The following GRID2 variants were observed in gnomAD, a reference collection of about 807,000 sequenced individuals.
GRID2 encodes the protein glutamate receptor ionotropic, delta-2.
GRID2 carries 33 observed loss-of-function variants against 114.8 expected under a neutral mutation model. That is an observed-to-expected ratio of 0.29 (90% CI 0.22 to 0.38). The LOEUF is 0.38. GRID2 is among the 10% of genes least tolerant of loss of function. The pLI, the probability that GRID2 is intolerant of heterozygous loss-of-function variation, is 1.00. For missense variants in GRID2, 1,184 were observed against 1,257.7 expected, an observed-to-expected ratio of 0.94 and a Z score of 0.89; for synonymous variants, 505 against 449.9, an observed-to-expected ratio of 1.12 and a Z score of -1.55.
intron 2 of GRID2, among the ~76,000 whole-genome samples, chr4:92,952,178 G>A (rs778924182): frequency 6.6e-6 from 1 of 152,164 alleles, no homozygotes; most frequent in Non-Finnish European, 1.5e-5. Context: ...GAGAGCACCT[G>A]ATTTCTACAT....
At chr4:92,710,126 A>G in intron 2 of GRID2, among the ~76,000 whole-genome samples, 1 of 152,000 alleles carries the variant, frequency 6.6e-6, no homozygotes, top group African/African-American at 2.4e-5. Context: ...TTTGCCTTTG[A>G]TAGGAAAAAA....
intron 4 of GRID2, among the ~76,000 whole-genome samples, chr4:93,115,251 T>C (rs752980396): frequency 2.0e-5 from 3 of 152,110 alleles, no homozygotes; most frequent in Non-Finnish European, 4.4e-5. Flanking sequence ...TAAAATTTAA[T>C]TTGTATTTAC....
intron 2 of GRID2, among the ~76,000 whole-genome samples, chr4:92,906,295 G>C (rs1230928693): frequency 6.6e-6 from 1 of 151,610 alleles, no homozygotes; most frequent in African/African-American, 2.4e-5. Flanking sequence ...ATTAACACCA[G>C]ACAGTATAAC....
intron 1 of GRID2, among the ~76,000 whole-genome samples, chr4:92,537,695 G>C (rs1725713722): frequency 6.6e-6 from 1 of 151,670 alleles, no homozygotes. Flanking sequence ...AGTGATCATG[G>C]TTTGTGTTTG....
chr4:93,166,947 A>G (rs929574902), intron 4 of GRID2, among the ~76,000 whole-genome samples: 6 of 152,158 alleles, frequency 3.9e-5, no homozygotes, highest in African/African-American at 9.6e-5. Context: ...TTTGTAGTCC[A>G]TTAAGTCAGG....
rs189444046 is a variant in GRID2 at position 93,170,224 on chromosome 4, C to T, written c.736-37180C>T. Among the ~76,000 whole-genome samples the T allele has an allele frequency of 2.6e-5, 4 of 152,252 alleles. No homozygotes were observed. In the East Asian group the frequency reaches 7.8e-4, roughly 30 times the overall value. On this transcript the variant is annotated intron_variant, in intron 4 of 15. Coordinates refer to ENST00000282020, the MANE Select transcript of GRID2 (RefSeq NM_001510.4). ...TTAGCCACTCAAGTTGCTGGAATTA[C>T]AGGCTTAAGCCAATGCACCCGGCTA...
chr4:92,632,598 C>T (rs567882355), intron 2 of GRID2, among the ~76,000 whole-genome samples: 33 of 151,948 alleles, frequency 2.2e-4, no homozygotes, highest in South Asian at 1.0e-3. Context: ...CACCACTGCA[C>T]TCCAGCCTGA....
chr4:93,273,265 T>C (rs1237942352), intron 8 of GRID2, among the ~76,000 whole-genome samples: 1 of 152,206 alleles, frequency 6.6e-6, no homozygotes, highest in African/African-American at 2.4e-5. Flanking sequence ...TGAATAGAAA[T>C]AGTTTGACTT....
At chr4:92,353,849 C>A (rs1185248408) in intron 1 of GRID2, among the ~76,000 whole-genome samples, 1 of 151,982 alleles carries the variant, frequency 6.6e-6, no homozygotes, top group East Asian at 1.9e-4. Flanking sequence ...CTTTCCATAA[C>A]CTCCATATCG....
intron 2 of GRID2, among the ~76,000 whole-genome samples, chr4:92,646,134 T>A (rs1218010808): frequency 4.4e-5 from 1 of 22,942 alleles, no homozygotes; most frequent in Non-Finnish European, 1.2e-4. Context: ...ATGGAACGTT[T>A]GGGTGGGTGG....
At chr4:92,530,067 A>G (rs142149755) in intron 1 of GRID2, among the ~76,000 whole-genome samples, 112 of 152,030 alleles carry the variant, frequency 7.4e-4, no homozygotes, top group African/African-American at 2.6e-3. Flanking sequence ...TTTTGAATAA[A>G]TAAGAAGATC....
At chr4:93,004,715 C>T (rs557613529) in intron 2 of GRID2, among the ~76,000 whole-genome samples, 1 of 151,940 alleles carries the variant, frequency 6.6e-6, no homozygotes, top group African/African-American at 2.4e-5. Flanking sequence ...GACTCATATT[C>T]TCTACTCCTT....
At chr4:92,696,642 G>A (rs1032871693) in intron 2 of GRID2, among the ~76,000 whole-genome samples, 14 of 151,994 alleles carry the variant, frequency 9.2e-5, no homozygotes, top group African/African-American at 2.7e-4. Flanking sequence ...GTGAACAACC[G>A]CAGAACACTA....
intron 1 of GRID2, among the ~76,000 whole-genome samples, chr4:93,798,916 T>C (rs1734862930): frequency 6.6e-6 from 1 of 152,194 alleles, no homozygotes; most frequent in Non-Finnish European, 1.5e-5. Flanking sequence ...CACCAGTTCC[T>C]GTCTTGTACA....
chr4:93,652,918 A>G (rs2149724323), intron 14 of GRID2, among the ~76,000 whole-genome samples: 1 of 151,994 alleles, frequency 6.6e-6, no homozygotes, highest in South Asian at 2.1e-4. Flanking sequence ...GGACATGGGG[A>G]CTTCTTAGCT....
chr4:93,801,151 A>G (rs1256998334), intron 1 of GRID2, among the ~76,000 whole-genome samples: 1 of 152,164 alleles, frequency 6.6e-6, no homozygotes, highest in Non-Finnish European at 1.5e-5. Flanking sequence ...TTTATATGAA[A>G]GTAAGCAATT....
At chr4:92,513,195 C>T (rs985181011) in intron 1 of GRID2, among the ~76,000 whole-genome samples, 1 of 151,694 alleles carries the variant, frequency 6.6e-6, no homozygotes, top group Non-Finnish European at 1.5e-5. Flanking sequence ...ACCTATTGCC[C>T]CTATCTTACC....
intron 13 of GRID2, among the ~76,000 whole-genome samples, chr4:93,568,230 A>T (rs1369674285): frequency 6.6e-6 from 1 of 152,220 alleles, no homozygotes; most frequent in Non-Finnish European, 1.5e-5. Flanking sequence ...TTTAATGAAC[A>T]TATCTTAAGA....
chr4:92,404,734 C>T (rs1424993363), intron 1 of GRID2, among the ~76,000 whole-genome samples: 2 of 152,100 alleles, frequency 1.3e-5, no homozygotes, highest in Admixed American at 6.5e-5. Flanking sequence ...TTTGCAGGGA[C>T]ATGGATGGAG....
Sources: allele counts gnomAD v4.1 joint callset (sites outside exome capture counted in the v4.1 genomes callset), GRCh38; gene constraint gnomAD v4.1.1; transcripts MANE v1.5; gene names NCBI Gene and HGNC (gene_info 2026-07-23, HGNC 2026-07-21).